Variants in BRAF observed in about 807,000 individuals in gnomAD.
BRAF encodes the protein serine/threonine-protein kinase B-raf.
In BRAF, 16 loss-of-function variants were observed where a neutral mutation model predicts 104.6. The ratio of observed to expected loss-of-function variants is 0.15; its 90% confidence interval spans 0.10 to 0.23. The LOEUF (loss-of-function observed/expected upper bound fraction) is 0.23. BRAF is among the 10% of genes least tolerant of loss of function. The pLI is 1.00. For synonymous variants in BRAF, 310 were observed against 341.6 expected (o/e 0.91, Z 1.02); for missense variants, 541 against 937.3 (o/e 0.58, Z 5.52).
Position 140,787,482 on chromosome 7 carries a change from G to C in BRAF, c.1177+66C>G, listed in dbSNP as rs1369526640. The stretch of plus-strand genomic sequence containing the variant: ...GTTACTTGAAAGAGGCAAGTATAAA[G>C]GAAATAAGCAGCAAAGCAATTGCAG... On this transcript the variant is annotated intron_variant, in intron 9 of 19. Coordinates refer to ENST00000644969, the MANE Select transcript of BRAF (RefSeq NM_001374258.1). The C allele has an allele frequency of 6.0e-6, 9 of 1,488,980 alleles. No individual in the cohort carries two copies. The South Asian group carries it at 8.0e-5, about 13-fold the overall frequency. The allele number at this position is 1,488,980 out of a possible 1,614,324, so 92.2% of individuals were successfully genotyped here. A position where few individuals can be genotyped will look rare whatever the true frequency, so the allele number is the denominator to read the frequency against.
intron 7 of BRAF, chr7:140,800,007 A>C (rs1802919853): frequency 2.5e-6 from 1 of 407,110 alleles, no homozygotes; most frequent in East Asian, 4.2e-5. Context: ...TGGTGTGATA[A>C]AATAAGTTAT....
chr7:140,858,274 T>C (rs1170607046), intron 1 of BRAF, among the ~76,000 whole-genome samples: 5 of 152,158 alleles, frequency 3.3e-5, no homozygotes, highest in Admixed American at 2.6e-4. Context: ...ACCCATGAAG[T>C]ATACATGCAA....
intron 14 of BRAF, among the ~76,000 whole-genome samples, chr7:140,758,445 T>C (rs1018822672): frequency 7.2e-5 from 11 of 152,194 alleles, no homozygotes; most frequent in Non-Finnish European, 1.3e-4. Context: ...TTGCCTTGAT[T>C]TTTTAGTTTC....
intron 14 of BRAF, among the ~76,000 whole-genome samples, chr7:140,754,802 T>TAC (rs1179955145): frequency 6.6e-6 from 1 of 152,242 alleles, no homozygotes; most frequent in Non-Finnish European, 1.5e-5. Context: ...ATTTGGAATG[T>TAC]AAACTACTAG....
In BRAF at chr7:140,787,602, T is replaced by C. The variant is rs768414445; in HGVS notation, c.1141-18A>G. ...ATCAAGTCCTACAAATAAATAGTAA[T>C]GTATATTTATTCCAAGCAAGCATAT... On this transcript the variant is annotated intron_variant, in intron 8 of 19. Coordinates refer to ENST00000644969, the MANE Select transcript of BRAF (RefSeq NM_001374258.1). 8 of 1,603,954 alleles carry C rather than the reference T, an allele frequency of 5.0e-6. No homozygotes were observed. The African/African-American group carries it at 5.3e-5, about 11-fold the overall frequency.
At chr7:140,744,251 C>T (rs551477120) in intron 17 of BRAF, among the ~76,000 whole-genome samples, 1 of 152,298 alleles carries the variant, frequency 6.6e-6, no homozygotes, top group South Asian at 2.1e-4. Flanking sequence ...TATGACTGAA[C>T]CCCAATAAAA....
intron 2 of BRAF, among the ~76,000 whole-genome samples, chr7:140,840,728 T>C (rs927038119): frequency 7.4e-5 from 11 of 149,106 alleles, no homozygotes; most frequent in Admixed American, 7.3e-4. Flanking sequence ...GAGGTAGAGG[T>C]TGCAGTCAGT....
chr7:140,776,536 C>T (rs998202273), intron 14 of BRAF, among the ~76,000 whole-genome samples: 1 of 152,136 alleles, frequency 6.6e-6, no homozygotes, highest in Non-Finnish European at 1.5e-5. Context: ...ACCAAAAATA[C>T]GGGCACTCAG....
rs2129062131 is a variant in BRAF at position 140,834,745 on chromosome 7, G to C, written c.368C>G (p.Ser123Cys). The change falls in exon 3 of 20, where the codon TCT (serine) becomes TGT (cysteine). Residue 123 changes from serine to cysteine, a missense_variant. Physicochemically the swap from Ser to Cys is moderately radical, Grantham distance 112. Around this residue, in one of 10 missense-constraint regions of BRAF, gnomAD observed 86 missense variants for 133.9 expected, o/e 0.64. Coordinates refer to ENST00000644969, the MANE Select transcript of BRAF (RefSeq NM_001374258.1). ...TAGCACTGAAAGGCTAGAAGAGGAAGAAGATGTAACGGTATCCATTGATGC... is the reference window on the plus strand; with the variant it reads ...TAGCACTGAAAGGCTAGAAGAGGAACAAGATGTAACGGTATCCATTGATGC... ...SSASMDTVTS[S>C]SSSSLSVLPS... 6.2e-7 allele frequency: 1 copy of C among 1,614,156 alleles called. No individual in the cohort carries two copies. The highest frequency in any genetic ancestry group is 1.7e-5 in the Admixed American group (1 of 60,016).
At chr7:140,923,227 T>G (rs1406374486) in intron 1 of BRAF, among the ~76,000 whole-genome samples, 1 of 151,960 alleles carries the variant, frequency 6.6e-6, no homozygotes, top group East Asian at 1.9e-4. Context: ...TGAGATGTTA[T>G]GAGAATTGAG....
At chr7:140,800,114 G>A (rs1042065718) in intron 7 of BRAF, 3 of 540,406 alleles carry the variant, frequency 5.6e-6, no homozygotes, top group East Asian at 3.3e-5. Flanking sequence ...GCATGTCACT[G>A]AAGAGCAGAA....
chr7:140,869,590 G>A lies in BRAF; in HGVS notation c.139-19378C>T, dbSNP rs527376056. On this transcript the variant is annotated intron_variant, in intron 1 of 19. Coordinates refer to ENST00000644969, the MANE Select transcript of BRAF (RefSeq NM_001374258.1). ...AGAGGTTGCGGTGAGCCGAAATCACGCCACTGCACTCCAGTCTGGGCAGCA... is the reference window on the plus strand; with the variant it reads ...AGAGGTTGCGGTGAGCCGAAATCACACCACTGCACTCCAGTCTGGGCAGCA... Among the ~76,000 whole-genome samples the A allele has an allele frequency of 3.3e-5, 5 of 150,556 alleles. No homozygotes were observed. In the East Asian group the frequency reaches 7.8e-4, roughly 24 times the overall value.
At chr7:140,752,884 A>G (rs2128997638) in intron 16 of BRAF, among the ~76,000 whole-genome samples, 1 of 152,270 alleles carries the variant, frequency 6.6e-6, no homozygotes, top group South Asian at 2.1e-4. Context: ...CAGGGTACAC[A>G]GAACATTTTG....
In BRAF at chr7:140,834,797, C is replaced by T. The variant is rs749247588; in HGVS notation, c.316G>A (p.Gly106Arg). The T allele has an allele frequency of 1.4e-5, 22 of 1,613,998 alleles. No homozygotes were observed. Among genetic ancestry groups the T allele is most frequent in the Middle Eastern group, 1.6e-4 (1 of 6,084 alleles). ...GAGCTAGAAACAGAAAAATCAGTTC[C>T]GTTCCCCAGAGATTCCAATAACTGT... ...EQQLLESLGN[G>R]TDFSVSSSAS... Residue 106 changes from glycine (G) to arginine (R), a missense_variant, in exon 3 of 20, where the codon GGA becomes AGA. Coordinates refer to ENST00000644969, the MANE Select transcript of BRAF (RefSeq NM_001374258.1).
intron 17 of BRAF, 34 bp from the exon 17 acceptor site, chr7:140,739,980 C>T (rs754567621): frequency 3.0e-5 from 48 of 1,602,072 alleles, no homozygotes; most frequent in Non-Finnish European, 4.0e-5. Context: ...ATAATTCAAC[C>T]TTGTAGATAA....
At chr7:140,902,480 T>C (rs577344951) in intron 1 of BRAF, among the ~76,000 whole-genome samples, 1 of 152,328 alleles carries the variant, frequency 6.6e-6, no homozygotes, top group Admixed American at 6.5e-5. Flanking sequence ...AAGAGTCACA[T>C]GTCTCTCTCT....
intron 4 of BRAF, 150 bp from the exon 5 acceptor site, chr7:140,808,212 G>C (rs1344699370): frequency 1.4e-6 from 1 of 694,898 alleles, no homozygotes; most frequent in East Asian, 2.8e-5. Context: ...AAATTTAAAT[G>C]GCAATAAATT....
intron 1 of BRAF, among the ~76,000 whole-genome samples, chr7:140,874,264 C>T (rs1340390825): frequency 4.7e-5 from 7 of 147,724 alleles, no homozygotes; most frequent in South Asian, 2.1e-4. Flanking sequence ...TGCAGTGGCG[C>T]GACCTCAACT....
chr7:140,905,342 C>A (rs537906630), intron 1 of BRAF, among the ~76,000 whole-genome samples: 10 of 152,300 alleles, frequency 6.6e-5, no homozygotes, highest in African/African-American at 2.2e-4. Flanking sequence ...TACTATATTA[C>A]TAAGGCTATT....
Sources: allele counts gnomAD v4.1 joint callset (sites outside exome capture counted in the v4.1 genomes callset), GRCh38; gene constraint gnomAD v4.1.1; regional missense constraint gnomAD v4.1.1; transcripts MANE v1.5; gene names NCBI Gene and HGNC (gene_info 2026-07-23, HGNC 2026-07-21).